Variants in STAG1 observed in about 807,000 individuals in gnomAD.
The protein encoded by STAG1 is cohesin subunit SA-1.
Under a neutral mutation model 170.9 loss-of-function variants are expected in STAG1, and 26 were observed. That is an observed-to-expected ratio of 0.15 (90% CI 0.11 to 0.21). The LOEUF (loss-of-function observed/expected upper bound fraction) is 0.21, where lower values mean the gene tolerates loss of function less well. STAG1 is among the 10% of genes least tolerant of loss of function. The probability of loss-of-function intolerance (pLI) is 1.00; values close to 1 mark genes in which losing one functional copy is unlikely to be tolerated. For synonymous variants in STAG1, 514 were observed against 497.7 expected, an observed-to-expected ratio of 1.03 and a Z score of -0.44; for missense variants, 964 against 1,509.5, an observed-to-expected ratio of 0.64 and a Z score of 5.99.
chr3:136,422,289 T>G lies in STAG1; in HGVS notation c.2037+121A>C, dbSNP rs369477979. 62 of 867,736 alleles carry G rather than the reference T, an allele frequency of 7.1e-5. No individual in the cohort carries two copies. In the African/African-American group the frequency reaches 1.0e-3, roughly 14 times the overall value. The allele number at this position is 867,736 out of a possible 1,614,324, so 53.8% of individuals were successfully genotyped here. A position where few individuals can be genotyped will look rare whatever the true frequency, so the allele number is the denominator to read the frequency against. On this transcript the variant is annotated intron_variant, in intron 19 of 33. Coordinates refer to ENST00000383202, the MANE Select transcript of STAG1 (RefSeq NM_005862.3). ...ACAATTGTAATAAGGTTGCTAAGTT[T>G]TGGAAGGGGCAGACAATTCTACTCA...
intron 5 of STAG1, among the ~76,000 whole-genome samples, chr3:136,553,697 C>T (rs1257740245): frequency 6.6e-6 from 1 of 152,212 alleles, no homozygotes; most frequent in Non-Finnish European, 1.5e-5. Context: ...TCGCTTGAAC[C>T]CAGGAGGCAG....
intron 1 of STAG1, among the ~76,000 whole-genome samples, chr3:136,650,113 G>A (rs760493435): frequency 1.3e-5 from 2 of 152,046 alleles, no homozygotes; most frequent in Middle Eastern, 3.4e-3. Context: ...GCATGTGCCT[G>A]TAGCCCCGGC....
At chr3:136,723,085 C>G (rs1403058423) in intron 1 of STAG1, among the ~76,000 whole-genome samples, 3 of 152,230 alleles carry the variant, frequency 2.0e-5, no homozygotes, top group Non-Finnish European at 2.9e-5. Context: ...CCCAAAGTGC[C>G]GAGATTGCAG....
chr3:136,467,252 T>G (rs2089490590), intron 12 of STAG1, among the ~76,000 whole-genome samples: 1 of 152,118 alleles, frequency 6.6e-6, no homozygotes, highest in Non-Finnish European at 1.5e-5. Flanking sequence ...GTGTGCTGTA[T>G]TCAGGAGACC....
chr3:136,744,159 C>G (rs879728324), intron 1 of STAG1, among the ~76,000 whole-genome samples: 8 of 152,180 alleles, frequency 5.3e-5, no homozygotes, highest in Admixed American at 3.9e-4. Context: ...GAAACCCCGT[C>G]TCTACTAAAA....
chr3:136,515,024 A>C (rs1934282392), intron 7 of STAG1, among the ~76,000 whole-genome samples: 2 of 152,162 alleles, frequency 1.3e-5, no homozygotes, highest in Non-Finnish European at 2.9e-5. Flanking sequence ...ACAAACCTGC[A>C]CATTGTGCAC....
At chr3:136,700,876 C>CTTTTTTTTTTTTTTTT (rs35459362) in intron 1 of STAG1, among the ~76,000 whole-genome samples, 3 of 78,356 alleles carry the variant, frequency 3.8e-5, no homozygotes, top group Non-Finnish European at 4.6e-5. Flanking sequence ...TATTTTTTTT[C>CTTTTTTTTTTTTTTTT]TTTTTTTTTT....
intron 6 of STAG1, among the ~76,000 whole-genome samples, chr3:136,536,327 A>G (rs833752): frequency 0.74 from 113,042 of 152,042 alleles, 42,170 homozygotes; most frequent in East Asian, 0.86. Context: ...AGCCAGAAAC[A>G]AATTATATGA....
At chr3:136,579,534 G>C (rs1293448994) in intron 4 of STAG1, among the ~76,000 whole-genome samples, 1 of 152,230 alleles carries the variant, frequency 6.6e-6, no homozygotes, top group Non-Finnish European at 1.5e-5. Context: ...TGAAGCCCTT[G>C]ACGTCCTGCT....
At chr3:136,487,085 G>A (rs1298649582) in intron 9 of STAG1, among the ~76,000 whole-genome samples, 2 of 149,884 alleles carry the variant, frequency 1.3e-5, no homozygotes, top group Admixed American at 1.3e-4. Flanking sequence ...ATGTGCCATG[G>A]TGGTCTGCTG....
At chr3:136,567,925 A>G (rs549313007) in intron 5 of STAG1, among the ~76,000 whole-genome samples, 1 of 152,230 alleles carries the variant, frequency 6.6e-6, no homozygotes, top group East Asian at 1.9e-4. Flanking sequence ...CTTACTCACA[A>G]TGAAGATGCC....
chr3:136,343,671 C>T (rs1351641799), intron 30 of STAG1, among the ~76,000 whole-genome samples, 161 bp downstream of exon 30: 1 of 152,236 alleles, frequency 6.6e-6, no homozygotes, highest in Non-Finnish European at 1.5e-5. Flanking sequence ...ACAATGTTTA[C>T]AGACTTTTTA....
rs566885284 is a variant in STAG1, at chr3:136,401,311, A to T, written c.2197-2482T>A. 2.0e-5 allele frequency among the ~76,000 whole-genome samples: 3 copies of T among 152,314 alleles called. No individual in the cohort carries two copies. The East Asian group carries it at 5.8e-4, about 29-fold the overall frequency. ...CCTATCCAAATTGGAGTTCTCTTTT[A>T]CGTTGTAATCCTTAATCAATTTTAC... On this transcript the variant is annotated intron_variant, in intron 21 of 33. Coordinates refer to ENST00000383202, the MANE Select transcript of STAG1 (RefSeq NM_005862.3).
At chr3:136,464,639 C>G (rs191726774) in intron 13 of STAG1, among the ~76,000 whole-genome samples, 94 of 152,090 alleles carry the variant, frequency 6.2e-4, no homozygotes, top group African/African-American at 2.2e-3. Context: ...AATCTCCACT[C>G]ACATCTAGCT....
At chr3:136,489,233 T>G (rs2032240331) in intron 9 of STAG1, among the ~76,000 whole-genome samples, 1 of 152,226 alleles carries the variant, frequency 6.6e-6, no homozygotes. Context: ...TAATTATTGA[T>G]CATTACAATG....
In STAG1 at chr3:136,584,980, C is replaced by T. The variant is rs374315560; in HGVS notation, c.298-16119G>A. ...CCTGGAATGAATCATAACTCACATT[C>T]TTGTTCTTTTTGCTGAAGAGTAAAT... On this transcript the variant is annotated intron_variant, in intron 4 of 33. Coordinates refer to ENST00000383202, the MANE Select transcript of STAG1 (RefSeq NM_005862.3). 2.5e-4 allele frequency among the ~76,000 whole-genome samples: 38 copies of T among 152,280 alleles called. No individual in the cohort carries two copies. In the East Asian group the frequency reaches 5.2e-3, roughly 21 times the overall value.
chr3:136,353,485 C>G (rs774354588), intron 28 of STAG1, among the ~76,000 whole-genome samples: 1 of 152,166 alleles, frequency 6.6e-6, no homozygotes, highest in Non-Finnish European at 1.5e-5. Flanking sequence ...TCACTACATA[C>G]AAAGAAAATC....
chr3:136,359,307 G>GA lies in STAG1; in HGVS notation c.2788-12dup. 2.0e-6 allele frequency: 3 copies of GA among 1,536,610 alleles called. No homozygotes were observed. The highest frequency in any genetic ancestry group is 1.8e-4 in the Middle Eastern group (1 of 5,698). On this transcript the variant is annotated splice_polypyrimidine_tract_variant and intron_variant, in intron 26 of 33. Transcript: ENST00000383202. ...AAGTTCATTAAATAACTGATAGAAA[G>GA]AAAAAAAGAAGAAAAAACCTATAGC...
intron 14 of STAG1, among the ~76,000 whole-genome samples, chr3:136,444,083 T>A (rs1488056761): frequency 6.6e-6 from 1 of 152,152 alleles, no homozygotes; most frequent in Admixed American, 6.6e-5. Context: ...TTATCCTTTT[T>A]TTTTTTTTGA....
Sources: gnomAD v4.1 joint callset for allele counts (sites outside exome capture counted in the v4.1 genomes callset) on GRCh38, gnomAD v4.1.1 for gene constraint, MANE v1.5 for transcripts, NCBI Gene and HGNC (gene_info 2026-07-23, HGNC 2026-07-21) for gene names.